TTC27: variants seen among roughly 807,000 people sequenced by gnomAD.
The protein encoded by TTC27 is tetratricopeptide repeat domain 27.
TTC27 carries 79 observed loss-of-function variants against 115.9 expected under a neutral mutation model. That is an observed-to-expected ratio of 0.68 (90% CI 0.57 to 0.82). The LOEUF (loss-of-function observed/expected upper bound fraction) is 0.82. Ranked by LOEUF, TTC27 falls within the 40% of genes least tolerant of loss-of-function variation. TTC27 has a pLI of 0.00. For synonymous variants in TTC27, 401 were observed against 356.0 expected, an observed-to-expected ratio of 1.13 and a Z score of -1.42; for missense variants, 1,054 against 993.1, an observed-to-expected ratio of 1.06 and a Z score of -0.82.
intron 11 of TTC27, among the ~76,000 whole-genome samples, chr2:32,735,336 T>G (rs1328546048): frequency 6.6e-6 from 1 of 152,184 alleles, no homozygotes; most frequent in Non-Finnish European, 1.5e-5. Context: ...TGAAATTGGT[T>G]AGGTGCTTTA....
chr2:32,819,132 T>C (rs937286494), intron 19 of TTC27, among the ~76,000 whole-genome samples: 2 of 152,248 alleles, frequency 1.3e-5, no homozygotes, highest in African/African-American at 2.4e-5. Flanking sequence ...TTCTTCAGGG[T>C]ATACTGTGGC....
intron 5 of TTC27, among the ~76,000 whole-genome samples, chr2:32,661,026 A>G (rs985113210): frequency 1.3e-5 from 2 of 152,138 alleles, no homozygotes; most frequent in Non-Finnish European, 1.5e-5. Flanking sequence ...TAAATAGGGA[A>G]TCCTTTCCCT....
At chr2:32,648,485 C>T (rs1259147245) in intron 4 of TTC27, among the ~76,000 whole-genome samples, 2 of 150,002 alleles carry the variant, frequency 1.3e-5, no homozygotes, top group Non-Finnish European at 3.0e-5. Flanking sequence ...ACAGTGTTGC[C>T]CACCTGGTCT....
chr2:32,700,220 C>A (rs947002421), intron 9 of TTC27, among the ~76,000 whole-genome samples: 1 of 152,158 alleles, frequency 6.6e-6, no homozygotes, highest in Admixed American at 6.5e-5. Flanking sequence ...TTCTTACTTA[C>A]TTAATGCTCC....
intron 10 of TTC27, among the ~76,000 whole-genome samples, chr2:32,720,742 T>A (rs1046104073): frequency 2.0e-5 from 3 of 152,212 alleles, no homozygotes; most frequent in African/African-American, 7.2e-5. Flanking sequence ...ACTCCTTAAT[T>A]TACCGGAAAT....
chr2:32,773,675 G>A (rs151337114), intron 13 of TTC27, among the ~76,000 whole-genome samples: 1 of 152,202 alleles, frequency 6.6e-6, no homozygotes, highest in Non-Finnish European at 1.5e-5. Flanking sequence ...TGTGAGGAAC[G>A]CATGAGTAAT....
chr2:32,785,885 T>C (rs1670331626), intron 15 of TTC27, among the ~76,000 whole-genome samples: 1 of 152,094 alleles, frequency 6.6e-6, no homozygotes, highest in Non-Finnish European at 1.5e-5. Context: ...TGAGCCACTG[T>C]GCCTGGCCTG....
intron 7 of TTC27, among the ~76,000 whole-genome samples, chr2:32,669,566 A>T (rs1402526065): frequency 6.6e-6 from 1 of 152,186 alleles, no homozygotes; most frequent in Admixed American, 6.5e-5. Flanking sequence ...ATTTATAGTG[A>T]TTACAAAACA....
At chr2:32,706,914 C>T (rs1667393323) in intron 10 of TTC27, among the ~76,000 whole-genome samples, 1 of 152,192 alleles carries the variant, frequency 6.6e-6, no homozygotes, top group Non-Finnish European at 1.5e-5. Context: ...AGGCACATGA[C>T]TTCCTGTCCT....
chr2:32,753,870 T>C (rs1315874660), intron 12 of TTC27, among the ~76,000 whole-genome samples: 2 of 151,964 alleles, frequency 1.3e-5, no homozygotes, highest in East Asian at 3.9e-4. Context: ...GGTCAGGAGT[T>C]CGAGACCAGC....
At position 32,777,935 on chromosome 2, in the gene TTC27, A is replaced by C. The variant is rs866044384; in HGVS notation, c.1734A>C (p.Gln578His). The C allele has an allele frequency of 1.2e-6, 2 of 1,614,020 alleles. No homozygotes were observed. The highest frequency in any genetic ancestry group is 1.3e-5 in the African/African-American group (1 of 74,928). The change falls in exon 14 of 20, where the codon CAA (glutamine) becomes CAC (histidine). Residue 578 changes from glutamine to histidine, a missense_variant. Transcript: ENST00000317907. ...CCTATTTGGCCTTGGAAGACTATCA[A>C]GGTTCAGCAAAGGCATTTCAGCGCT... ...GCAYLALEDYQGSAKAFQRCV... is the reference protein window; with the variant it reads ...GCAYLALEDYHGSAKAFQRCV...
chr2:32,635,557 G>A lies in TTC27; in HGVS notation c.396+1552G>A, dbSNP rs576374788. On this transcript the variant is annotated intron_variant, in intron 3 of 19. Transcript: ENST00000317907. ...AAATTAGCCGGGTGTGGTGGTGCAC[G>A]CTTGTAATCCCAGCTACTCAGGAGG... Among the ~76,000 whole-genome samples the A allele has an allele frequency of 3.1e-3, 467 of 152,196 alleles. 2 individuals carry two copies. Among genetic ancestry groups the A allele is most frequent in the African/African-American group, 0.011 (446 of 41,546 alleles).
intron 10 of TTC27, among the ~76,000 whole-genome samples, chr2:32,708,907 T>C (rs1667477925): frequency 6.6e-6 from 1 of 152,198 alleles, no homozygotes; most frequent in Non-Finnish European, 1.5e-5. Context: ...GTTAATTGGC[T>C]ATTTATGTTA....
chr2:32,708,553 C>T (rs1007203785), intron 10 of TTC27, among the ~76,000 whole-genome samples: 36 of 152,072 alleles, frequency 2.4e-4, no homozygotes, highest in African/African-American at 8.2e-4. Context: ...CATGATCCAC[C>T]TGCCTCAGCC....
At chr2:32,723,971 C>CTTTTTTT (rs36120062) in intron 10 of TTC27, among the ~76,000 whole-genome samples, 1,054 of 92,358 alleles carry the variant, frequency 0.011, 92 homozygotes, top group Middle Eastern at 0.021. Context: ...CATACATAAG[C>CTTTTTTT]TTTTTTTTTT....
chr2:32,631,130 C>A (rs1299516035), intron 2 of TTC27, among the ~76,000 whole-genome samples: 1 of 152,010 alleles, frequency 6.6e-6, no homozygotes, highest in Non-Finnish European at 1.5e-5. Context: ...ATGGTGAAAC[C>A]CCGTCTATAC....
rs372994830 is a variant in TTC27, at chr2:32,706,586, C to G, written c.1233+3666C>G. On this transcript the variant is annotated intron_variant, in intron 10 of 19. Transcript: ENST00000317907. ...CTCCCTCGCCTTTTTGTTTTTGAGA[C>G]AGAGTGTTACTCTTGTCGCCCAGGC... Among the ~76,000 whole-genome samples the G allele has an allele frequency of 2.0e-4, 30 of 152,016 alleles. 1 individual carries two copies. The highest frequency in any genetic ancestry group is 1.2e-4 in the Non-Finnish European group (8 of 67,994).
At chr2:32,762,328 T>TGTGTGTGTGTG (rs1491413114) in intron 13 of TTC27, among the ~76,000 whole-genome samples, 7 of 97,874 alleles carry the variant, frequency 7.2e-5, no homozygotes, top group African/African-American at 2.4e-4. Context: ...TGTGTGTGTG[T>TGTGTGTGTGTG]TGGGGGAACA....
At chr2:32,803,177 AC>A (rs1482027861) in intron 16 of TTC27, among the ~76,000 whole-genome samples, 1 of 152,136 alleles carries the variant, frequency 6.6e-6, no homozygotes, top group Non-Finnish European at 1.5e-5. Flanking sequence ...CCTTACCTTC[AC>A]TAGACATTGC....
Sources: allele counts gnomAD v4.1 joint callset (sites outside exome capture counted in the v4.1 genomes callset), GRCh38; gene constraint gnomAD v4.1.1; transcripts MANE v1.5; gene names NCBI Gene and HGNC (gene_info 2026-07-23, HGNC 2026-07-21).